The following PCDH15 variants were observed in gnomAD, a reference collection of about 807,000 sequenced individuals.
PCDH15 encodes protocadherin related 15, also known as protocadherin-15.
Under a neutral mutation model 178.5 loss-of-function variants are expected in PCDH15, and 129 were observed. The observed-to-expected ratio is 0.72, with a 90% CI of 0.63 to 0.84. PCDH15 has a LOEUF of 0.84. Among genes scored for constraint, PCDH15 ranks in the 40% least tolerant of loss-of-function variants. The pLI, the probability that PCDH15 is intolerant of heterozygous loss-of-function variation, is 0.00. For missense variants in PCDH15, 2,230 were observed against 2,099.9 expected, an observed-to-expected ratio of 1.06 and a Z score of -1.21; for synonymous variants, 800 against 732.0, an observed-to-expected ratio of 1.09 and a Z score of -1.50.
At chr10:54,174,376 C>CAA (rs112450699) in intron 13 of PCDH15, among the ~76,000 whole-genome samples, 4 of 147,278 alleles carry the variant, frequency 2.7e-5, no homozygotes, top group African/African-American at 7.5e-5. Flanking sequence ...AATAAAAATA[C>CAA]AAAAAAAAAA....
intron 2 of PCDH15, among the ~76,000 whole-genome samples, chr10:55,103,518 C>A (rs1034878656): frequency 6.6e-6 from 1 of 152,084 alleles, no homozygotes; most frequent in African/African-American, 2.4e-5. Flanking sequence ...TGTTGTAAAT[C>A]CTGTGAAGTC....
intron 18 of PCDH15, among the ~76,000 whole-genome samples, chr10:54,061,856 T>C (rs1449847360): frequency 6.6e-6 from 1 of 152,130 alleles, no homozygotes; most frequent in African/African-American, 2.4e-5. Flanking sequence ...GATAAAACTT[T>C]TTGCTATGTA....
intron 2 of PCDH15, among the ~76,000 whole-genome samples, chr10:54,562,729 AAGAC>A (rs1219069891): frequency 6.6e-6 from 1 of 152,118 alleles, no homozygotes; most frequent in Non-Finnish European, 1.5e-5. Context: ...TACAGACAGA[AAGAC>A]AGAGAGGTAG....
At chr10:53,854,916 G>A (rs78829048) in intron 28 of PCDH15, among the ~76,000 whole-genome samples, 1,661 of 152,036 alleles carry the variant, frequency 0.011, 32 homozygotes, top group African/African-American at 0.038. Context: ...ACAATGATAC[G>A]ATTCTCTCAA....
intron 2 of PCDH15, among the ~76,000 whole-genome samples, chr10:54,556,624 G>A (rs544020031): frequency 7.1e-6 from 1 of 140,244 alleles, no homozygotes. Context: ...TATTTTAAGA[G>A]ACTTTTTTTT....
chr10:55,421,460 TA>T (rs1266806614), intron 2 of PCDH15, among the ~76,000 whole-genome samples: 2 of 149,672 alleles, frequency 1.3e-5, no homozygotes, highest in Non-Finnish European at 3.0e-5. Flanking sequence ...ATGATTTTCA[TA>T]ATATGATAAA....
At chr10:54,634,605 G>A (rs886567697) in intron 2 of PCDH15, among the ~76,000 whole-genome samples, 1 of 147,710 alleles carries the variant, frequency 6.8e-6, no homozygotes, top group African/African-American at 2.7e-5. Context: ...GACGCTAAAG[G>A]AATGGAAAGC....
chr10:55,360,271 T>C (rs780069337), intron 2 of PCDH15, among the ~76,000 whole-genome samples: 3 of 151,984 alleles, frequency 2.0e-5, no homozygotes, highest in Non-Finnish European at 2.9e-5. Flanking sequence ...TGTGTGTATA[T>C]GATAAAATAC....
chr10:55,292,684 G>A (rs1843036781), intron 1 of PCDH15, among the ~76,000 whole-genome samples: 1 of 152,156 alleles, frequency 6.6e-6, no homozygotes, highest in African/African-American at 2.4e-5. Flanking sequence ...ACCCGTCCCA[G>A]GCAGTCAAAC....
At chr10:54,656,524 G>C (rs1248417086) in intron 2 of PCDH15, among the ~76,000 whole-genome samples, 2 of 152,184 alleles carry the variant, frequency 1.3e-5, no homozygotes, top group Non-Finnish European at 2.9e-5. Context: ...TCTCAGGCCT[G>C]AACTGAGATG....
chr10:53,959,892 C>T lies in PCDH15; in HGVS notation c.3010-48G>A, dbSNP rs2593107. 0.71 allele frequency: 999,594 copies of T among 1,412,740 alleles called. 354,828 individuals are homozygous for T. The highest frequency in any genetic ancestry group is 0.88 in the East Asian group (38,250 of 43,622). The allele number at this position is 1,412,740 out of a possible 1,614,324, so 87.5% of individuals were successfully genotyped here. A position where few individuals can be genotyped will look rare whatever the true frequency, so the allele number is the denominator to read the frequency against. ...TGTTAAAGATTATAAGTAAGAACAG[C>T]GTAACAGCACAATTTTTATATGTAT... On this transcript the variant is annotated intron_variant, in intron 22 of 37. Transcript: ENST00000644397.
chr10:54,219,813 G>C (rs2134176887), intron 9 of PCDH15, among the ~76,000 whole-genome samples: 1 of 151,900 alleles, frequency 6.6e-6, no homozygotes, highest in Middle Eastern at 3.4e-3. Flanking sequence ...CTTTTTATTT[G>C]TGCTATGATA....
intron 2 of PCDH15, among the ~76,000 whole-genome samples, chr10:55,074,435 G>C (rs1053022786): frequency 1.3e-5 from 2 of 152,008 alleles, no homozygotes; most frequent in East Asian, 3.9e-4. Context: ...TCTCATTGTG[G>C]GTTTGATTTG....
intron 2 of PCDH15, among the ~76,000 whole-genome samples, chr10:55,066,118 CTTA>C (rs1841558076): frequency 6.6e-6 from 1 of 151,596 alleles, no homozygotes; most frequent in East Asian, 1.9e-4. Flanking sequence ...AAATTGTCAG[CTTA>C]TTATATTTTT....
intron 2 of PCDH15, among the ~76,000 whole-genome samples, chr10:54,618,504 A>G (rs1451548324): frequency 1.3e-5 from 2 of 152,126 alleles, no homozygotes; most frequent in Non-Finnish European, 1.5e-5. Flanking sequence ...AGAACATGCA[A>G]GTAGCTTGGT....
At chr10:54,435,827 G>A (rs570812118) in intron 3 of PCDH15, among the ~76,000 whole-genome samples, 26 of 151,970 alleles carry the variant, frequency 1.7e-4, no homozygotes, top group African/African-American at 4.3e-4. Context: ...AAAATTAGCC[G>A]GTCGTGGTGG....
intron 1 of PCDH15, among the ~76,000 whole-genome samples, chr10:55,238,391 C>T (rs1348637173): frequency 6.6e-6 from 1 of 152,000 alleles, no homozygotes; most frequent in Non-Finnish European, 1.5e-5. Flanking sequence ...ACCTCGTGAT[C>T]CGCCCACCTC....
chr10:54,686,179 A>T (rs1172249319), intron 1 of PCDH15, among the ~76,000 whole-genome samples: 2 of 147,860 alleles, frequency 1.4e-5, no homozygotes, highest in Admixed American at 1.4e-4. Flanking sequence ...CTCGGCCAAG[A>T]TAGCCAATTT....
At chr10:55,104,251 A>G (rs929849564) in intron 2 of PCDH15, among the ~76,000 whole-genome samples, 2 of 151,948 alleles carry the variant, frequency 1.3e-5, no homozygotes, top group East Asian at 1.9e-4. Context: ...ATTCATACAA[A>G]TATCTTTTTT....
Sources: allele counts gnomAD v4.1 joint callset (sites outside exome capture counted in the v4.1 genomes callset), GRCh38; gene constraint gnomAD v4.1.1; transcripts MANE v1.5; gene names NCBI Gene and HGNC (gene_info 2026-07-23, HGNC 2026-07-21).